The following SOAT2 variants were observed in gnomAD, a reference collection of about 807,000 sequenced individuals.
SOAT2 encodes the protein sterol O-acyltransferase 2, also known as ACAT-2.
A neutral mutation model predicts 76.0 loss-of-function variants in SOAT2; 87 were observed. The observed-to-expected ratio is 1.14, with a 90% CI of 0.96 to 1.37. The LOEUF (loss-of-function observed/expected upper bound fraction) is 1.37. Ranked by LOEUF, SOAT2 falls within the 40% of genes most tolerant of loss-of-function variation. The pLI is 0.00. For synonymous variants in SOAT2, 285 were observed against 275.4 expected (o/e 1.03, Z -0.34); for missense variants, 686 against 682.1 (o/e 1.01, Z -0.06).
At chr12:53,121,025 C>T in intron 11 of SOAT2, 142 bp downstream of exon 11, 1 of 708,520 alleles carries the variant, frequency 1.4e-6, no homozygotes, top group Non-Finnish European at 2.5e-6. Context: ...TCTGGATGTG[C>T]TTATAATGCC....
chr12:53,110,574 G>A (rs920606583), intron 5 of SOAT2, among the ~76,000 whole-genome samples: 2 of 151,824 alleles, frequency 1.3e-5, no homozygotes, highest in African/African-American at 4.8e-5. Context: ...TTTACTTTAG[G>A]ACAAGAATTT....
chr12:53,115,737 G>A, intron 6 of SOAT2, 83 bp downstream of exon 6: 1 of 1,415,456 alleles, frequency 7.1e-7, no homozygotes, highest in South Asian at 1.5e-5. Flanking sequence ...CCAAAGAGGG[G>A]GCGGGGCCCA....
At chr12:53,119,641 C>A (rs1184033906) in intron 10 of SOAT2, among the ~76,000 whole-genome samples, 1 of 83,180 alleles carries the variant, frequency 1.2e-5, no homozygotes, top group Non-Finnish European at 2.2e-5. Context: ...CAGCCCCAGC[C>A]TATCTGGGGG....
At position 53,123,758 on chromosome 12, in the gene SOAT2, G is replaced by A. The variant is rs753004451; in HGVS notation, c.1403G>A (p.Arg468His). Residue 468 changes from arginine to histidine, a missense_variant, in exon 14 of 15, where the codon CGC (arginine) becomes CAC (histidine). Arg to His is a conservative substitution (Grantham distance 29, BLOSUM62 0). Coordinates refer to ENST00000301466, the MANE Select transcript of SOAT2 (RefSeq NM_003578.4). Reference sequence around the variant, plus strand: ...TTGAACTTCATGATGCATGACCAGCGCACCGGCCCGGCATGGAACGTGCTG... The same window carrying A: ...TTGAACTTCATGATGCATGACCAGCACACCGGCCCGGCATGGAACGTGCTG... ...GMLNFMMHDQRTGPAWNVLMW... is the reference protein window; with the variant it reads ...GMLNFMMHDQHTGPAWNVLMW... 1.2e-5 allele frequency: 20 copies of A among 1,613,994 alleles called. No homozygotes were observed. Among genetic ancestry groups the A allele is most frequent in the African/African-American group, 6.7e-5 (5 of 74,898 alleles).
intron 8 of SOAT2, 87 bp from the exon 9 acceptor site, chr12:53,118,803 G>A: frequency 6.9e-7 from 1 of 1,446,938 alleles, no homozygotes; most frequent in Non-Finnish European, 9.7e-7. Flanking sequence ...AGGGAACTGA[G>A]GAGAGAGGGC....
At chr12:53,120,583 G>A (rs1200680105) in intron 10 of SOAT2, among the ~76,000 whole-genome samples, 4 of 147,948 alleles carry the variant, frequency 2.7e-5, no homozygotes, top group African/African-American at 1.0e-4. Context: ...AGGCTGCAGC[G>A]AGCTATGATC....
At position 53,103,661 on chromosome 12, in the gene SOAT2, T is replaced by A. The variant is rs202025289; in HGVS notation, c.82+2T>A. On this transcript the variant is annotated splice_donor_variant, in intron 1 of 14. Transcript: ENST00000301466. LOFTEE classifies it high-confidence loss of function. ...GGGAGCGCCAACCCTGTGGAGATGG[T>A]GAGCCGCCCTCGGGGGTGCAGAAGG... 2,423 of 1,527,682 alleles carry A rather than the reference T, an allele frequency of 1.6e-3. 4 individuals carry two copies. The highest frequency in any genetic ancestry group is 1.9e-3 in the Non-Finnish European group (2,170 of 1,138,922). The allele number at this position is 1,527,682 out of a possible 1,614,324, so 94.6% of individuals were successfully genotyped here. A position where few individuals can be genotyped will look rare whatever the true frequency, so the allele number is the denominator to read the frequency against.
intron 10 of SOAT2, among the ~76,000 whole-genome samples, chr12:53,119,917 T>C (rs757104838): frequency 2.6e-5 from 4 of 152,218 alleles, no homozygotes; most frequent in Non-Finnish European, 4.4e-5. Flanking sequence ...TCTGTCTCTG[T>C]CTCTGTGTGT....
Position 53,104,107 on chromosome 12 carries a change from C to T in SOAT2, c.83-44C>T, listed in dbSNP as rs763653026. 4.5e-6 allele frequency: 7 copies of T among 1,571,010 alleles called. No individual in the cohort carries two copies. In the Admixed American group the frequency reaches 1.2e-4, roughly 26 times the overall value. Reference sequence around the variant, plus strand: ...ACAGGATGCCTCTGGGTCTGCAGAACCCCAATTCCTCCTGTTGACTGTGCC... The same window carrying T: ...ACAGGATGCCTCTGGGTCTGCAGAATCCCAATTCCTCCTGTTGACTGTGCC... On this transcript the variant is annotated intron_variant, in intron 1 of 14. Transcript: ENST00000301466.
intron 4 of SOAT2, 107 bp from the exon 5 acceptor site, chr12:53,105,800 G>T (rs944101546): frequency 1.1e-6 from 1 of 945,738 alleles, no homozygotes; most frequent in Admixed American, 2.1e-5. Context: ...CCTTTAGCTG[G>T]AAGTTCTGGA....
In SOAT2 at chr12:53,120,848, G is replaced by T; in HGVS notation, c.1102G>T (p.Glu368Ter). The change falls in exon 11 of 15, where the codon GAG (glutamate) becomes TAG (stop). Residue 368 changes from glutamate to a stop codon, truncating the protein, a stop_gained. Transcript: ENST00000301466. LOFTEE classifies it high-confidence loss of function. ...CCATTGCTGGCTCAACGCCTTTGCC[G>T]AGATGCTACGATTTGGAGACAGGAT... Reference protein sequence around the residue: ...FLHCWLNAFAEMLRFGDRMFY... With the variant: ...FLHCWLNAFA 1 of 1,613,998 alleles carries T rather than the reference G, an allele frequency of 6.2e-7. No homozygotes were observed. The highest frequency in any genetic ancestry group is 8.5e-7 in the Non-Finnish European group (1 of 1,179,932).
At chr12:53,109,804 A>T (rs1216623521) in intron 5 of SOAT2, among the ~76,000 whole-genome samples, 2 of 149,598 alleles carry the variant, frequency 1.3e-5, no homozygotes, top group African/African-American at 2.5e-5. Flanking sequence ...CCTAAGTCTT[A>T]ATAAAACCTT....
At chr12:53,122,983 C>T (rs1294299874) in intron 12 of SOAT2, 98 bp from the exon 13 acceptor site, 9 of 1,344,534 alleles carry the variant, frequency 6.7e-6, no homozygotes, top group African/African-American at 1.5e-5. Flanking sequence ...ACCTCCCTGC[C>T]GGACTGGGCG....
intron 11 of SOAT2, 144 bp downstream of exon 11, chr12:53,121,027 TATA>T: frequency 1.4e-6 from 1 of 707,850 alleles, no homozygotes; most frequent in East Asian, 2.6e-5. Context: ...TGGATGTGCT[TATA>T]ATGCCACCCC....
intron 5 of SOAT2, among the ~76,000 whole-genome samples, chr12:53,114,707 C>T (rs1471034015): frequency 7.2e-5 from 11 of 152,110 alleles, no homozygotes; most frequent in Admixed American, 7.2e-4. Context: ...GGTGACAGAG[C>T]GAGACTCTGT....
intron 13 of SOAT2, 30 bp downstream of exon 13, chr12:53,123,246 A>G (rs1938222231): frequency 6.2e-7 from 1 of 1,612,186 alleles, no homozygotes; most frequent in South Asian, 1.1e-5. Flanking sequence ...ACTGGAAGGG[A>G]GCCATCCAGA....
chr12:53,123,382 A>G (rs1378669188), intron 13 of SOAT2, among the ~76,000 whole-genome samples, 166 bp downstream of exon 13: 1 of 152,010 alleles, frequency 6.6e-6, no homozygotes, highest in Non-Finnish European at 1.5e-5. Context: ...GCAGGGAGGG[A>G]GGCAGCATTT....
intron 5 of SOAT2, among the ~76,000 whole-genome samples, chr12:53,110,171 A>C (rs577479117): frequency 6.6e-6 from 1 of 152,196 alleles, no homozygotes; most frequent in Admixed American, 6.6e-5. Context: ...TTTCTTATAC[A>C]CCTTGCACAT....
At chr12:53,124,049 A>C (rs1417556515) in intron 14 of SOAT2, 24 bp from the exon 15 acceptor site, 1 of 1,613,950 alleles carries the variant, frequency 6.2e-7, no homozygotes, top group African/African-American at 1.3e-5. Flanking sequence ...GATCTCATTC[A>C]CGACTTATTC....
Sources: allele counts gnomAD v4.1 joint callset (sites outside exome capture counted in the v4.1 genomes callset), GRCh38; gene constraint gnomAD v4.1.1; transcripts MANE v1.5; gene names NCBI Gene and HGNC (gene_info 2026-07-23, HGNC 2026-07-21).